The following GABRB2 variants were observed in gnomAD, a reference collection of about 807,000 sequenced individuals.
The protein encoded by GABRB2 is gamma-aminobutyric acid type A receptor subunit beta2.
Under a neutral mutation model 54.7 loss-of-function variants are expected in GABRB2, and 16 were observed. That is an observed-to-expected ratio of 0.29 (90% CI 0.20 to 0.44). GABRB2 has a LOEUF of 0.44. Ranked by LOEUF, GABRB2 falls within the 20% of genes least tolerant of loss-of-function variation. GABRB2 has a pLI of 1.00. For missense variants in GABRB2, 355 were observed against 644.0 expected (o/e 0.55, Z 4.86); for synonymous variants, 244 against 233.8 (o/e 1.04, Z -0.40).
intron 3 of GABRB2, among the ~76,000 whole-genome samples, chr5:161,467,176 G>C (rs1450826679): frequency 6.6e-6 from 1 of 152,036 alleles, no homozygotes; most frequent in Non-Finnish European, 1.5e-5. Context: ...GATTAAACTT[G>C]CTTGTTGAGT....
intron 5 of GABRB2, among the ~76,000 whole-genome samples, chr5:161,391,740 C>T (rs1755829379): frequency 6.6e-6 from 1 of 152,150 alleles, no homozygotes; most frequent in African/African-American, 2.4e-5. Context: ...ATAATAGGTA[C>T]TGACCCACAG....
At chr5:161,395,156 G>A (rs555404358) in intron 5 of GABRB2, among the ~76,000 whole-genome samples, 1 of 152,184 alleles carries the variant, frequency 6.6e-6, no homozygotes, top group East Asian at 1.9e-4. Context: ...TGGTAAGGTT[G>A]GGAAGGATGC....
chr5:161,387,308 C>G (rs1298984966), intron 5 of GABRB2, among the ~76,000 whole-genome samples: 11 of 152,040 alleles, frequency 7.2e-5, no homozygotes, highest in Non-Finnish European at 1.2e-4. Context: ...CTGGCAGGCT[C>G]TCACCCAAGA....
intron 4 of GABRB2, among the ~76,000 whole-genome samples, chr5:161,436,034 T>C (rs1237885700): frequency 1.3e-5 from 2 of 152,192 alleles, no homozygotes; most frequent in East Asian, 1.9e-4. Flanking sequence ...ACAGAGTAAC[T>C]GTTATAATTT....
chr5:161,503,205 T>G (rs1355747834), intron 3 of GABRB2, among the ~76,000 whole-genome samples: 2 of 151,950 alleles, frequency 1.3e-5, no homozygotes, highest in African/African-American at 4.8e-5. Flanking sequence ...TTTTTATGTA[T>G]TCAAGGGAAA....
chr5:161,492,734 G>T (rs1451446522), intron 3 of GABRB2, among the ~76,000 whole-genome samples: 1 of 151,552 alleles, frequency 6.6e-6, no homozygotes, highest in Non-Finnish European at 1.5e-5. Flanking sequence ...ACCACAAAAG[G>T]TACCCACCGT....
intron 4 of GABRB2, among the ~76,000 whole-genome samples, chr5:161,411,909 T>A (rs1009573168): frequency 6.6e-6 from 1 of 152,104 alleles, no homozygotes; most frequent in Non-Finnish European, 1.5e-5. Flanking sequence ...ACATTCCAAA[T>A]GTAGGTATGA....
intron 5 of GABRB2, among the ~76,000 whole-genome samples, chr5:161,373,485 C>T (rs548291441): frequency 8.7e-4 from 132 of 152,278 alleles, no homozygotes; most frequent in Non-Finnish European, 1.5e-3. Flanking sequence ...ACCCACCTCC[C>T]ACATATTGTT....
At chr5:161,459,926 G>T in intron 3 of GABRB2, 82 bp from the exon 4 acceptor site, 1 of 709,322 alleles carries the variant, frequency 1.4e-6, no homozygotes, top group Non-Finnish European at 2.3e-6. Context: ...GTATTAATAA[G>T]AAAATGAATT....
intron 5 of GABRB2, among the ~76,000 whole-genome samples, chr5:161,346,213 A>C (rs1269480685): frequency 6.6e-6 from 1 of 152,128 alleles, no homozygotes; most frequent in Non-Finnish European, 1.5e-5. Flanking sequence ...AAGTTGAAGA[A>C]AAACTTCCTT....
intron 3 of GABRB2, among the ~76,000 whole-genome samples, chr5:161,520,180 T>C (rs543132139): frequency 1.3e-5 from 2 of 152,188 alleles, no homozygotes; most frequent in African/African-American, 4.8e-5. Context: ...TGAGATTATG[T>C]GAGTTGTATA....
At chr5:161,366,598 T>C (rs1406017745) in intron 5 of GABRB2, among the ~76,000 whole-genome samples, 4 of 152,144 alleles carry the variant, frequency 2.6e-5, no homozygotes, top group African/African-American at 9.7e-5. Flanking sequence ...AATTAACTGT[T>C]AACTGAAAGA....
chr5:161,312,999 G>T (rs887019776), intron 9 of GABRB2, among the ~76,000 whole-genome samples: 1 of 152,346 alleles, frequency 6.6e-6, no homozygotes, highest in South Asian at 2.1e-4. Context: ...CTGTGGGTAG[G>T]AGAAGGGATA....
At chr5:161,362,046 T>G (rs1478331412) in intron 5 of GABRB2, among the ~76,000 whole-genome samples, 1 of 152,202 alleles carries the variant, frequency 6.6e-6, no homozygotes, top group Non-Finnish European at 1.5e-5. Context: ...CTTTCCCTGT[T>G]GCTTGTTTTT....
chr5:161,458,695 T>C (rs1319416211), intron 4 of GABRB2, among the ~76,000 whole-genome samples: 2 of 152,236 alleles, frequency 1.3e-5, no homozygotes, highest in African/African-American at 4.8e-5. Flanking sequence ...TGTTTCTTCA[T>C]TTGAAAACAA....
rs926208000 is a variant in GABRB2, at chr5:161,398,040, C to CAGAT, written c.541+12931_541+12934dup. Among the ~76,000 whole-genome samples, 251 of 142,962 alleles carry CAGAT rather than the reference C, an allele frequency of 1.8e-3. 1 individual carries two copies. Among genetic ancestry groups the CAGAT allele is most frequent in the African/African-American group, 6.5e-3 (237 of 36,444 alleles). 93.8% of individuals were successfully genotyped at this position (142,962 alleles called of 152,430 possible). A position where few individuals can be genotyped will look rare whatever the true frequency, so the allele number is the denominator to read the frequency against. On this transcript the variant is annotated intron_variant, in intron 5 of 9. Transcript: ENST00000393959. ...ATAGATAGATAGATAGATAGATAGA[C>CAGAT]AGATAGATAGATAGATAGACAGAGA...
At chr5:161,541,612 T>A (rs1760819771) in intron 3 of GABRB2, among the ~76,000 whole-genome samples, 1 of 152,252 alleles carries the variant, frequency 6.6e-6, no homozygotes, top group East Asian at 1.9e-4. Context: ...CTTGTTTCCA[T>A]AAACATCCTA....
intron 5 of GABRB2, among the ~76,000 whole-genome samples, chr5:161,367,772 G>A (rs1755012223): frequency 6.6e-6 from 1 of 152,036 alleles, no homozygotes; most frequent in South Asian, 2.1e-4. Flanking sequence ...AAAGTTCAGT[G>A]GGAATCATAT....
At chr5:161,477,937 A>G (rs1027466072) in intron 3 of GABRB2, among the ~76,000 whole-genome samples, 1 of 152,024 alleles carries the variant, frequency 6.6e-6, no homozygotes, top group African/African-American at 2.4e-5. Flanking sequence ...ACTTTTAAAA[A>G]GTATATTAGG....
Sources: gnomAD v4.1 joint callset for allele counts (sites outside exome capture counted in the v4.1 genomes callset) on GRCh38, gnomAD v4.1.1 for gene constraint, MANE v1.5 for transcripts, NCBI Gene and HGNC (gene_info 2026-07-23, HGNC 2026-07-21) for gene names.